GSG1: variants seen among roughly 807,000 people sequenced by gnomAD.
The protein encoded by GSG1 is germ cell-specific gene 1 protein.
Under a neutral mutation model 30.8 loss-of-function variants are expected in GSG1, and 28 were observed. The observed-to-expected ratio is 0.91, with a 90% confidence interval of 0.67 to 1.25. The LOEUF (loss-of-function observed/expected upper bound fraction) is 1.25, where lower values mean the gene tolerates loss of function less well. Ranked by LOEUF, GSG1 falls within the 50% of genes most tolerant of loss-of-function variation. GSG1 has a pLI of 0.00. For missense variants in GSG1, 435 were observed against 444.7 expected, an observed-to-expected ratio of 0.98 and a Z score of 0.20; for synonymous variants, 162 against 178.0, an observed-to-expected ratio of 0.91 and a Z score of 0.71.
intron 5 of GSG1, among the ~76,000 whole-genome samples, chr12:13,087,663 A>G (rs1872626): frequency 0.33 from 50,026 of 152,236 alleles, 9,156 homozygotes; most frequent in South Asian, 0.49. Flanking sequence ...AACCCAAACA[A>G]TAGATTTTAC....
In GSG1 at chr12:13,102,973, C is replaced by T. The variant is rs541356858; in HGVS notation, c.48+492G>A. Among the ~76,000 whole-genome samples the T allele has an allele frequency of 3.3e-5, 5 of 152,378 alleles. No homozygotes were observed. The South Asian group carries it at 8.3e-4, about 25-fold the overall frequency. On this transcript the variant is annotated intron_variant, in intron 1 of 6. Transcript: ENST00000651961. ...TGTGTTGTCCTTCCCAGTTCCAGAT[C>T]AGAGCTGCCTTCCAGCAGGACCTTG... is the stretch of plus-strand genomic sequence containing the variant.
intron 5 of GSG1, 103 bp downstream of exon 5, chr12:13,087,804 G>A: frequency 8.3e-7 from 1 of 1,201,054 alleles, no homozygotes; most frequent in Non-Finnish European, 1.1e-6. Flanking sequence ...TCTTTAAAGA[G>A]CCTTTGGGCT....
At chr12:13,089,385 A>G in intron 2 of GSG1, 109 bp from the exon 3 acceptor site, 1 of 1,523,422 alleles carries the variant, frequency 6.6e-7, no homozygotes, top group Non-Finnish European at 8.8e-7. Context: ...CAAATTGTTC[A>G]TGATTCTGGG....
intron 6 of GSG1, among the ~76,000 whole-genome samples, chr12:13,086,838 G>A (rs2120620947): frequency 6.6e-6 from 1 of 152,224 alleles, no homozygotes; most frequent in Admixed American, 6.5e-5. Flanking sequence ...TTTCTATAAG[G>A]CCTACAGAAT....
At position 13,095,800 on chromosome 12, in the gene GSG1, A is replaced by G. The variant is rs534811864; in HGVS notation, c.49-4982T>C. 108 of 1,485,504 alleles carry G rather than the reference A, an allele frequency of 7.3e-5. 1 individual carries two copies. The African/African-American group carries it at 1.5e-3, about 20-fold the overall frequency. The allele number at this position is 1,485,504 out of a possible 1,614,324, so 92.0% of individuals were successfully genotyped here. ...TGCCTTACAGGGAACACGGGCATTT[A>G]ATAATTGACAAGGCAATCAGGGCCC... is the stretch of plus-strand genomic sequence containing the variant. On this transcript the variant is annotated intron_variant, in intron 1 of 6. Transcript: ENST00000651961.
At chr12:13,103,031 G>A (rs978943098) in intron 1 of GSG1, among the ~76,000 whole-genome samples, 4 of 152,262 alleles carry the variant, frequency 2.6e-5, no homozygotes, top group African/African-American at 7.2e-5. Context: ...CATAGAGCTT[G>A]ATGTCTGCTC....
intron 1 of GSG1, among the ~76,000 whole-genome samples, chr12:13,099,762 T>TTTTTTTTTTTTTTTTTG (rs1565551377): frequency 6.7e-6 from 1 of 148,368 alleles, no homozygotes; most frequent in African/African-American, 2.5e-5. Context: ...TTTTTTTTTT[T>TTTTTTTTTTTTTTTTTG]TTTTTTGTTT....
At chr12:13,096,815 C>T (rs1180917651) in intron 1 of GSG1, among the ~76,000 whole-genome samples, 1 of 151,872 alleles carries the variant, frequency 6.6e-6, no homozygotes, top group Non-Finnish European at 1.5e-5. Flanking sequence ...TAGCTGGGCG[C>T]GATGGTTCAT....
chr12:13,090,618 G>T lies in GSG1; in HGVS notation c.249C>A (p.Asn83Lys), dbSNP rs149082366. The T allele has an allele frequency of 9.9e-6, 16 of 1,614,050 alleles. No homozygotes were observed. The highest frequency in any genetic ancestry group is 1.3e-5 in the Non-Finnish European group (15 of 1,179,984). The change falls in exon 2 of 7, where the codon AAC becomes AAA. Residue 83 changes from asparagine to lysine, a missense_variant. Coordinates refer to ENST00000651961, the MANE Select transcript of GSG1 (RefSeq NM_001080555.4). Reference sequence around the variant, plus strand: ...ATTGTACCACCTCCTGGGTGGATGTGTTGGTATCTCCATCCAGGGACACTG... The same window carrying T: ...ATTGTACCACCTCCTGGGTGGATGTTTTGGTATCTCCATCCAGGGACACTG... ...DMPVSLDGDT[N>K]TSTQEVVQYN...
rs57762367 is a variant in GSG1, at chr12:13,099,750, GTTTTTTTTT to G, written c.48+3706_48+3714del. On this transcript the variant is annotated intron_variant, in intron 1 of 6. Transcript: ENST00000651961. ...GCTAAGGGATCCGGTGTTTTTTTTT[GTTTTTTTTT>G]TTTTTTTTTGTTTTTTCTTCATGTC... 2.0e-4 allele frequency among the ~76,000 whole-genome samples: 23 copies of G among 114,826 alleles called. 1 individual carries two copies. The highest frequency in any genetic ancestry group is 3.8e-4 in the Admixed American group (4 of 10,634). The allele number at this position is 114,826 out of a possible 152,430, so 75.3% of individuals were successfully genotyped here. A position where few individuals can be genotyped will look rare whatever the true frequency, so the allele number is the denominator to read the frequency against.
intron 1 of GSG1, among the ~76,000 whole-genome samples, chr12:13,096,567 G>C (rs1168666345): frequency 2.6e-5 from 4 of 151,792 alleles, no homozygotes; most frequent in Non-Finnish European, 4.4e-5. Context: ...ATGTGGCAAA[G>C]ATGCAGATAG....
chr12:13,088,441 A>T (rs961289605), intron 4 of GSG1, among the ~76,000 whole-genome samples: 9 of 151,856 alleles, frequency 5.9e-5, no homozygotes, highest in African/African-American at 1.9e-4. Flanking sequence ...TTTTCCTTTC[A>T]TTTTACCAAA....
rs932538057 is a variant in GSG1, at chr12:13,093,713, G to A, written c.49-2895C>T. On this transcript the variant is annotated intron_variant, in intron 1 of 6. Coordinates refer to ENST00000651961, the MANE Select transcript of GSG1 (RefSeq NM_001080555.4). This position sits in a 1 kb window ranked among gnomAD's most constrained non-coding sequence, Gnocchi z 4.6. Reference sequence around the variant, plus strand: ...TCAGTGGAGAGGAACCTGGAGGGCCGTGTCTTCCAGCCTGGTGCAGAAGTG... The same window carrying A: ...TCAGTGGAGAGGAACCTGGAGGGCCATGTCTTCCAGCCTGGTGCAGAAGTG... Among the ~76,000 whole-genome samples the A allele has an allele frequency of 2.0e-5, 3 of 152,192 alleles. No homozygotes were observed. The highest frequency in any genetic ancestry group is 2.1e-4 in the South Asian group (1 of 4,828).
intron 1 of GSG1, among the ~76,000 whole-genome samples, chr12:13,102,040 C>T (rs976528654): frequency 2.0e-5 from 3 of 152,174 alleles, no homozygotes; most frequent in Non-Finnish European, 2.9e-5. Flanking sequence ...CCTGTGCTAC[C>T]AGCAGACACC....
chr12:13,088,642 G>A lies in GSG1; in HGVS notation c.481+220C>T, dbSNP rs1865783262. 8 of 1,139,410 alleles carry A rather than the reference G, an allele frequency of 7.0e-6. 1 individual carries two copies. The highest frequency in any genetic ancestry group is 1.0e-5 in the Non-Finnish European group (8 of 795,010). The allele number at this position is 1,139,410 out of a possible 1,614,324, so 70.6% of individuals were successfully genotyped here. ...AGGAGGAATTTGTGTCACCCTTTGG[G>A]GCTCAGAAGAGAAAAGTGGGAGATC... On this transcript the variant is annotated intron_variant, in intron 4 of 6. Transcript: ENST00000651961.
At chr12:13,090,331 G>A (rs1865956925) in intron 2 of GSG1, among the ~76,000 whole-genome samples, 172 bp downstream of exon 2, 1 of 152,242 alleles carries the variant, frequency 6.6e-6, no homozygotes, top group Non-Finnish European at 1.5e-5. Context: ...GACACTGGAC[G>A]GAGGTGGAAG....
At chr12:13,088,681 G>A in intron 4 of GSG1, 181 bp downstream of exon 4, 1 of 1,499,426 alleles carries the variant, frequency 6.7e-7, no homozygotes, top group Non-Finnish European at 9.1e-7. Context: ...GTGCAGTTTA[G>A]ATCCGGAGAG....
At position 13,090,793 on chromosome 12, in the gene GSG1, C is replaced by G; in HGVS notation, c.74G>C (p.Gly25Ala). The part of the protein sequence containing the change: ...QEMELSKAFS[G>A]QRTLLSAILS... ...GATGGCAGATAGGAGTGTCCGCTGG[C>G]CAGAGAAGGCCTTCGAGAGCTCCAT... The change falls in exon 2 of 7, where the codon GGC becomes GCC. Residue 25 changes from glycine (G) to alanine (A), a missense_variant. Physicochemically the swap from Gly to Ala is moderately conservative, Grantham distance 60 (BLOSUM62 0). Coordinates refer to ENST00000651961, the MANE Select transcript of GSG1 (RefSeq NM_001080555.4). The G allele has an allele frequency of 6.2e-7, 1 of 1,612,842 alleles. No individual in the cohort carries two copies. Among genetic ancestry groups the G allele is most frequent in the Non-Finnish European group, 8.5e-7 (1 of 1,179,156 alleles).
At position 13,090,494 on chromosome 12, in the gene GSG1, G is replaced by T. The variant is rs1865980612; in HGVS notation, c.364+9C>A. On this transcript the variant is annotated intron_variant, in intron 2 of 6. Coordinates refer to ENST00000651961, the MANE Select transcript of GSG1 (RefSeq NM_001080555.4). ...CCCCGTTGCTCTTATATCCCAGAAT[G>T]TAGGCTACCTGGTTCTTCCACAGTT... 2 of 1,601,454 alleles carry T rather than the reference G, an allele frequency of 1.2e-6. No individual in the cohort carries two copies. The highest frequency in any genetic ancestry group is 4.5e-5 in the East Asian group (2 of 44,650).
Sources: gnomAD v4.1 joint callset for allele counts (sites outside exome capture counted in the v4.1 genomes callset) on GRCh38, gnomAD v4.1.1 for gene constraint, Gnocchi (gnomAD v3.1) non-coding constraint, MANE v1.5 for transcripts, NCBI Gene and HGNC (gene_info 2026-07-23, HGNC 2026-07-21) for gene names.